The following FLT3LG variants were observed in gnomAD, a reference collection of about 807,000 sequenced individuals.
The protein encoded by FLT3LG is fms-related tyrosine kinase 3 ligand.
FLT3LG carries 8 observed loss-of-function variants against 30.9 expected under a neutral mutation model. The observed-to-expected ratio is 0.26, with a 90% CI of 0.15 to 0.47. The LOEUF (loss-of-function observed/expected upper bound fraction) is 0.47, where lower values mean the gene tolerates loss of function less well. Among genes scored for constraint, FLT3LG ranks in the 20% least tolerant of loss-of-function variants. FLT3LG has a pLI of 0.99. For synonymous variants in FLT3LG, 123 were observed against 135.9 expected (o/e 0.91, Z 0.66); for missense variants, 278 against 306.2 (o/e 0.91, Z 0.69).
Position 49,476,631 on chromosome 19 carries a change from G to C in FLT3LG, c.342+65G>C. 6.2e-7 allele frequency: 1 copy of C among 1,604,612 alleles called. No homozygotes were observed. The highest frequency in any genetic ancestry group is 1.7e-4 in the Middle Eastern group (1 of 6,006). ...TGCCTTCCTACGAATTAGAAGTAAA[G>C]CTCCACTAGGCCTTATTGGCGATTT... On this transcript the variant is annotated intron_variant, in intron 5 of 8. Coordinates refer to ENST00000597551, the MANE Select transcript of FLT3LG (RefSeq NM_001459.4). The surrounding 1 kb of genome is among the most constrained non-coding windows in gnomAD (Gnocchi z 5.3).
intron 8 of FLT3LG, among the ~76,000 whole-genome samples, chr19:49,485,740 A>G (rs1180151037): frequency 6.6e-6 from 1 of 151,456 alleles, no homozygotes; most frequent in Non-Finnish European, 1.5e-5. Context: ...CTGGTCTCAA[A>G]CTCCCAACCT....
At chr19:49,474,790 G>T in intron 2 of FLT3LG, 118 bp downstream of exon 2, 1 of 1,120,970 alleles carries the variant, frequency 8.9e-7, no homozygotes, top group Admixed American at 2.1e-5. Context: ...AATAGGAGGG[G>T]AGATGGACAG....
chr19:49,480,553 TGCCCCCCGTCCCCA>T lies in FLT3LG; in HGVS notation c.664_677del (p.Pro222SerfsTer80). 7 of 1,612,682 alleles carry T rather than the reference TGCCCCCCGTCCCCA, an allele frequency of 4.3e-6. No individual in the cohort carries two copies. Among genetic ancestry groups the T allele is most frequent in the Non-Finnish European group, 5.9e-6 (7 of 1,179,520 alleles). ...TGGCTGACACTTTGGGGCCCACAGGTGCCCCCCGTCCCCAGTCCCCAGGACCTGCTGCTTGTGGA... is the reference window on the plus strand; with the variant it reads ...TGGCTGACACTTTGGGGCCCACAGGTGTCCCCAGGACCTGCTGCTTGTGGA... On this transcript the variant is annotated frameshift_variant and splice_region_variant, in exon 8 of 9. Transcript: ENST00000597551. LOFTEE classifies it high-confidence loss of function.
intron 5 of FLT3LG, among the ~76,000 whole-genome samples, chr19:49,478,294 C>T (rs2079467773): frequency 2.0e-5 from 3 of 151,736 alleles, no homozygotes; most frequent in Admixed American, 1.3e-4. Context: ...AATGAAACCC[C>T]ATCTCTACTA....
In FLT3LG at chr19:49,479,001, C is replaced by T; in HGVS notation, c.435C>T (p.Ile145=). ...SEQLVALKPW[I]TRQNFSRCLE... is the part of the protein sequence containing the mutation. ...AGCTGGTGGCGCTGAAGCCCTGGAT[C>T]ACTCGCCAGAACTTCTCCCGGTGCC... The change falls in exon 6 of 9, where the codon ATC becomes ATT. Residue 145 remains isoleucine (I), a synonymous_variant. Transcript: ENST00000597551. 1 of 1,607,060 alleles carries T rather than the reference C, an allele frequency of 6.2e-7. No individual in the cohort carries two copies. Among genetic ancestry groups the T allele is most frequent in the Non-Finnish European group, 8.5e-7 (1 of 1,176,860 alleles).
At chr19:49,485,248 C>CTTTTTTT (rs55877586) in intron 8 of FLT3LG, among the ~76,000 whole-genome samples, 2 of 121,848 alleles carry the variant, frequency 1.6e-5, no homozygotes, top group Non-Finnish European at 3.3e-5. Flanking sequence ...TCTTTTTTTT[C>CTTTTTTT]TTTTTTTTTT....
At chr19:49,485,204 G>A (rs768849543) in intron 8 of FLT3LG, among the ~76,000 whole-genome samples, 2 of 150,630 alleles carry the variant, frequency 1.3e-5, no homozygotes, top group Admixed American at 6.6e-5. Flanking sequence ...TGTTACTCCC[G>A]TATTAAAGAG....
chr19:49,475,978 G>A, intron 3 of FLT3LG, 167 bp from the exon 4 acceptor site: 1 of 984,560 alleles, frequency 1.0e-6, no homozygotes, highest in Non-Finnish European at 1.6e-6. Flanking sequence ...GAGCCACTGT[G>A]CTTAGGGGTG....
rs772857404 is a variant in FLT3LG, at chr19:49,480,329, C to T, written c.513C>T (p.Pro171=). The change falls in exon 7 of 9, where the codon CCC becomes CCT. Residue 171 remains proline, a synonymous_variant. Transcript: ENST00000597551. ...DSSTLPPPWS[P]RPLEATAPTA... ...CAACCCTGCCACCCCCATGGAGTCC[C>T]CGGCCCCTGGAGGCCACAGCCCCGA... 6.8e-6 allele frequency: 11 copies of T among 1,608,742 alleles called. No homozygotes were observed. Among genetic ancestry groups the T allele is most frequent in the Non-Finnish European group, 9.3e-6 (11 of 1,177,374 alleles).
Position 49,479,069 on chromosome 19 carries a change from C to A in FLT3LG, c.481+22C>A. 3.1e-6 allele frequency: 5 copies of A among 1,595,638 alleles called. No homozygotes were observed. The South Asian group carries it at 3.4e-5, about 11-fold the overall frequency. On this transcript the variant is annotated intron_variant, in intron 6 of 8. Coordinates refer to ENST00000597551, the MANE Select transcript of FLT3LG (RefSeq NM_001459.4). ...CCCGGTAAAGGCTTCCAGGCACCCC[C>A]ACTCCTTCCCCTCCTGTCCTCACGG...
intron 3 of FLT3LG, 49 bp downstream of exon 3, chr19:49,475,850 C>CT (rs61254172): frequency 0.021 from 26,751 of 1,244,678 alleles, no homozygotes; most frequent in Non-Finnish European, 0.024. Flanking sequence ...CTTCCCCCCA[C>CT]TTTTTTTTTT....
chr19:49,479,355 C>T (rs1413694717), intron 6 of FLT3LG, among the ~76,000 whole-genome samples: 13 of 151,572 alleles, frequency 8.6e-5, no homozygotes, highest in Non-Finnish European at 1.3e-4. Flanking sequence ...CCACCACACC[C>T]GGCTAATTTT....
intron 6 of FLT3LG, among the ~76,000 whole-genome samples, chr19:49,479,498 CTT>C (rs1177717575): frequency 0.014 from 1,304 of 96,040 alleles, 17 homozygotes; most frequent in African/African-American, 0.064. Context: ...CCCAGCCTAC[CTT>C]TTTTTTTTTT....
chr19:49,480,686 C>A, intron 8 of FLT3LG, 66 bp downstream of exon 8: 2 of 1,497,874 alleles, frequency 1.3e-6, no homozygotes. Context: ...CACTAGGAGG[C>A]CATGGAAGGG....
intron 6 of FLT3LG, among the ~76,000 whole-genome samples, chr19:49,479,387 G>A (rs1374044710): frequency 6.6e-6 from 1 of 150,944 alleles, no homozygotes; most frequent in East Asian, 1.9e-4. Context: ...GTAGAGACGG[G>A]GTTTTACCGA....
intron 8 of FLT3LG, among the ~76,000 whole-genome samples, chr19:49,484,288 A>ATTTTTTTTTTTTTTTTTTTTTTTTTATT (rs745909519): frequency 1.0e-5 from 1 of 98,354 alleles, no homozygotes; most frequent in African/African-American, 4.5e-5. Context: ...TTTTATTATA[A>ATTTTTTTTTTTTTTTTTTTTTTTTTATT]TTTTTTTTTT....
rs1390494607 is a variant in FLT3LG, at chr19:49,480,590, G to A, written c.699G>A (p.Val233=). Residue 233 remains valine (V), a synonymous_variant, in exon 8 of 9, where the codon GTG becomes GTA. Coordinates refer to ENST00000597551, the MANE Select transcript of FLT3LG (RefSeq NM_001459.4). ...CCAGTCCCCAGGACCTGCTGCTTGT[G>A]GAGCACTGACCTGGCCAAGGCCTCA... ...PVPSPQDLLL[V]EH 1.2e-6 allele frequency: 2 copies of A among 1,612,924 alleles called. No homozygotes were observed. The highest frequency in any genetic ancestry group is 1.7e-6 in the Non-Finnish European group (2 of 1,179,632).
intron 1 of FLT3LG, 77 bp downstream of exon 1, chr19:49,474,358 G>A: frequency 1.7e-6 from 1 of 571,772 alleles, no homozygotes. Context: ...GGGGAGCAGA[G>A]GGTGGGGGGC....
chr19:49,474,672 A>G lies in FLT3LG; in HGVS notation c.33A>G (p.Thr11=), dbSNP rs75750998. The G allele has an allele frequency of 5.7e-3, 9,146 of 1,612,212 alleles. 298 individuals carry two copies. The African/African-American group carries it at 0.082, about 14-fold the overall frequency. ...TGCTGGCGCCAGCCTGGAGCCCAAC[A>G]GTGCGTAAACCCCAGGGACAAGATC... is the stretch of plus-strand genomic sequence containing the variant. MTVLAPAWSP[T]TYLLLLLLLS... The change falls in exon 2 of 9, where the codon ACA becomes ACG. Residue 11 remains threonine, a splice_region_variant and synonymous_variant. Coordinates refer to ENST00000597551, the MANE Select transcript of FLT3LG (RefSeq NM_001459.4).
Sources: gnomAD v4.1 joint callset for allele counts (sites outside exome capture counted in the v4.1 genomes callset) on GRCh38, gnomAD v4.1.1 for gene constraint, Gnocchi (gnomAD v3.1) non-coding constraint, MANE v1.5 for transcripts, NCBI Gene and HGNC (gene_info 2026-07-23, HGNC 2026-07-21) for gene names.